The following TUFT1 variants were observed in gnomAD, a reference collection of about 807,000 sequenced individuals.
TUFT1 encodes tuftelin 1, also known as tuftelin.
A neutral mutation model predicts 57.8 loss-of-function variants in TUFT1; 43 were observed. The observed-to-expected ratio is 0.74, with a 90% CI of 0.58 to 0.96. The LOEUF (loss-of-function observed/expected upper bound fraction) is 0.96. TUFT1 is among the 40% of genes least tolerant of loss of function. The probability of loss-of-function intolerance (pLI) is 0.00; values close to 1 mark genes in which losing one functional copy is unlikely to be tolerated. For missense variants in TUFT1, 459 were observed against 489.0 expected (o/e 0.94, Z 0.58); for synonymous variants, 166 against 176.7 (o/e 0.94, Z 0.48).
intron 11 of TUFT1, 122 bp downstream of exon 11, chr1:151,579,854 T>G: frequency 1.0e-6 from 1 of 970,810 alleles, no homozygotes. Flanking sequence ...AGTGAATACC[T>G]AGGGTGGTTG....
chr1:151,566,147 A>G lies in TUFT1; in HGVS notation c.415-16A>G. 6.3e-7 allele frequency: 1 copy of G among 1,595,580 alleles called. No homozygotes were observed. The highest frequency in any genetic ancestry group is 1.1e-5 in the South Asian group (1 of 88,794). On this transcript the variant is annotated splice_polypyrimidine_tract_variant and intron_variant, in intron 5 of 12. Coordinates refer to ENST00000368849, the MANE Select transcript of TUFT1 (RefSeq NM_020127.3). ...TTCATCTGTTTTAACTACCAATTTT[A>G]TTTTTCTTTGAACAGGTGGTGCTAG...
intron 7 of TUFT1, among the ~76,000 whole-genome samples, chr1:151,572,297 T>C (rs1375643859): frequency 1.3e-5 from 2 of 152,116 alleles, no homozygotes; most frequent in Non-Finnish European, 2.9e-5. Context: ...CACACCTTTT[T>C]ATAATTAAGA....
intron 5 of TUFT1, 180 bp from the exon 6 acceptor site, chr1:151,565,983 T>C (rs771154081): frequency 4.0e-6 from 2 of 497,332 alleles, no homozygotes; most frequent in Non-Finnish European, 7.3e-6. Context: ...CCTCTTCTCC[T>C]TTCTTCATTC....
rs529373184 is a variant in TUFT1 at position 151,580,705 on chromosome 1, T to C, written c.1009-237T>C. ...AAAAGAACTGTATGTAGAGGACATA[T>C]AGGAAACCATCAGTCTGTCAGTGTT... On this transcript the variant is annotated intron_variant, in intron 11 of 12. Coordinates refer to ENST00000368849, the MANE Select transcript of TUFT1 (RefSeq NM_020127.3). Among the ~76,000 whole-genome samples, 3 of 139,904 alleles carry C rather than the reference T, an allele frequency of 2.1e-5. No homozygotes were observed. The South Asian group carries it at 6.9e-4, about 32-fold the overall frequency. 91.8% of individuals were successfully genotyped at this position (139,904 alleles called of 152,430 possible).
chr1:151,566,346 T>C, intron 6 of TUFT1, 118 bp downstream of exon 6: 1 of 780,452 alleles, frequency 1.3e-6, no homozygotes, highest in Admixed American at 2.6e-5. Flanking sequence ...ACAAGAGTAG[T>C]AGTTGACATA....
chr1:151,562,054 G>A (rs1665913653), intron 1 of TUFT1, 37 bp from the exon 2 acceptor site: 1 of 1,605,446 alleles, frequency 6.2e-7, no homozygotes, highest in Middle Eastern at 1.7e-4. Flanking sequence ...AGACTGTAAA[G>A]TTGAGGGGTT....
At chr1:151,566,311 T>C in intron 6 of TUFT1, 83 bp downstream of exon 6, 1 of 822,164 alleles carries the variant, frequency 1.2e-6, no homozygotes. Flanking sequence ...TATTGCTTTC[T>C]CTCTCTCTCT....
chr1:151,567,734 TG>T (rs1666128905), intron 6 of TUFT1, among the ~76,000 whole-genome samples: 1 of 152,052 alleles, frequency 6.6e-6, no homozygotes, highest in South Asian at 2.1e-4. Flanking sequence ...TTAGTAGAGA[TG>T]GGGTTTCACC....
At chr1:151,545,782 G>T in intron 1 of TUFT1, 1 of 527,948 alleles carries the variant, frequency 1.9e-6, no homozygotes, top group African/African-American at 1.9e-5. Flanking sequence ...CCTACAGATA[G>T]ACCCAGGGTG....
chr1:151,561,731 G>C (rs1013224132), intron 1 of TUFT1: 3 of 1,307,928 alleles, frequency 2.3e-6, no homozygotes, highest in Non-Finnish European at 3.0e-6. Flanking sequence ...CAGAAATTCT[G>C]GATTGAGGAT....
At chr1:151,557,134 G>A (rs1320004159) in intron 1 of TUFT1, among the ~76,000 whole-genome samples, 2 of 151,744 alleles carry the variant, frequency 1.3e-5, no homozygotes, top group Non-Finnish European at 2.9e-5. Flanking sequence ...TTATCTCTTT[G>A]TATAGACTTT....
chr1:151,564,342 T>C (rs1665995117), intron 4 of TUFT1, among the ~76,000 whole-genome samples, 183 bp from the exon 5 acceptor site: 1 of 152,150 alleles, frequency 6.6e-6, no homozygotes, highest in South Asian at 2.1e-4. Flanking sequence ...GTGTCTTGTG[T>C]CTCCCCAACA....
At position 151,581,632 on chromosome 1, in the gene TUFT1, C is replaced by T. The variant is rs779473900; in HGVS notation, c.1110-12C>T. The T allele has an allele frequency of 1.9e-6, 3 of 1,614,014 alleles. No homozygotes were observed. In the Admixed American group the frequency reaches 5.0e-5, roughly 27 times the overall value. ...TCCCAGCACAACTCAGTGTTTCCAA[C>T]CTTCTTTTCAGTATTAGGATATCCA... On this transcript the variant is annotated splice_polypyrimidine_tract_variant and intron_variant, in intron 12 of 12. Transcript: ENST00000368849.
intron 6 of TUFT1, among the ~76,000 whole-genome samples, chr1:151,566,573 CCTG>C (rs1666091072): frequency 6.6e-6 from 1 of 152,070 alleles, no homozygotes; most frequent in African/African-American, 2.4e-5. Flanking sequence ...CAATAGGTGG[CCTG>C]GGCATCAGGA....
Position 151,582,513 on chromosome 1 carries a change from C to A in TUFT1, c.*806C>A, listed in dbSNP as rs1299136781. The A allele has an allele frequency of 8.6e-6, 2 of 232,568 alleles. No homozygotes were observed. Among genetic ancestry groups the A allele is most frequent in the African/African-American group, 4.6e-5 (2 of 43,918 alleles). 14.4% of individuals were successfully genotyped at this position (232,568 alleles called of 1,614,324 possible). ...TTTCACTGGGTTCCACCAGTCCCAG[C>A]AAAATCCTCTTTGTATTTATTTTGC... On this transcript the variant is annotated 3_prime_UTR_variant, in exon 13 of 13. Transcript: ENST00000368849.
At chr1:151,552,493 C>G (rs962984148) in intron 1 of TUFT1, among the ~76,000 whole-genome samples, 1 of 152,082 alleles carries the variant, frequency 6.6e-6, no homozygotes, top group Non-Finnish European at 1.5e-5. Context: ...TACCTGAGGT[C>G]AGGAGTTCGA....
At chr1:151,545,325 A>G (rs1665300407) in intron 1 of TUFT1, among the ~76,000 whole-genome samples, 1 of 152,194 alleles carries the variant, frequency 6.6e-6, no homozygotes, top group South Asian at 2.1e-4. Flanking sequence ...AAACAAAAAA[A>G]AGAGCATGGC....
chr1:151,559,000 G>T (rs987916552), intron 1 of TUFT1, among the ~76,000 whole-genome samples: 1 of 152,016 alleles, frequency 6.6e-6, no homozygotes, highest in Admixed American at 6.6e-5. Flanking sequence ...GGCCAGGCTG[G>T]TCTCAAACTC....
intron 5 of TUFT1, 170 bp from the exon 6 acceptor site, chr1:151,565,993 C>G (rs1316630487): frequency 3.1e-5 from 14 of 458,870 alleles, no homozygotes; most frequent in East Asian, 1.1e-4. Context: ...TTTCTTCATT[C>G]CTTCCTTTTT....
Sources: gnomAD v4.1 joint callset for allele counts (sites outside exome capture counted in the v4.1 genomes callset) on GRCh38, gnomAD v4.1.1 for gene constraint, MANE v1.5 for transcripts, NCBI Gene and HGNC (gene_info 2026-07-23, HGNC 2026-07-21) for gene names.